The following ATXN7L1 variants were observed in gnomAD, a reference collection of about 807,000 sequenced individuals.
ATXN7L1 encodes ataxin 7 like 1.
In ATXN7L1, 15 loss-of-function variants were observed where a neutral mutation model predicts 70.8. The ratio of observed to expected loss-of-function variants is 0.21; its 90% CI spans 0.14 to 0.33. ATXN7L1 has a LOEUF of 0.33. ATXN7L1 is among the 10% of genes least tolerant of loss of function. The probability of loss-of-function intolerance (pLI) is 1.00; values close to 1 mark genes in which losing one functional copy is unlikely to be tolerated. For missense variants in ATXN7L1, 975 were observed against 1,097.1 expected, an observed-to-expected ratio of 0.89 and a Z score of 1.57; for synonymous variants, 440 against 445.1, an observed-to-expected ratio of 0.99 and a Z score of 0.14.
At chr7:105,809,347 G>T (rs1808080069) in intron 2 of ATXN7L1, among the ~76,000 whole-genome samples, 1 of 152,182 alleles carries the variant, frequency 6.6e-6, no homozygotes, top group South Asian at 2.1e-4. Flanking sequence ...TAAGCACACT[G>T]TTGTAAAGCA....
chr7:105,865,692 C>T (rs1027886593), intron 2 of ATXN7L1, among the ~76,000 whole-genome samples: 5 of 152,252 alleles, frequency 3.3e-5, no homozygotes, highest in Middle Eastern at 3.4e-3. Flanking sequence ...TGAGCCACTG[C>T]ACCCGGGCCA....
intron 3 of ATXN7L1, among the ~76,000 whole-genome samples, chr7:105,672,492 C>T (rs183227143): frequency 6.6e-6 from 1 of 152,326 alleles, no homozygotes; most frequent in Admixed American, 6.5e-5. Context: ...TTTAGCTATT[C>T]TCGTACTGTC....
At chr7:105,805,073 C>A (rs1307238920) in intron 2 of ATXN7L1, among the ~76,000 whole-genome samples, 4 of 152,164 alleles carry the variant, frequency 2.6e-5, no homozygotes, top group African/African-American at 9.7e-5. Flanking sequence ...AGGATGACAA[C>A]ATACACACTT....
chr7:105,725,895 CT>C (rs1303293222), intron 3 of ATXN7L1, among the ~76,000 whole-genome samples: 53 of 141,756 alleles, frequency 3.7e-4, no homozygotes, highest in African/African-American at 1.4e-3. Context: ...TTTCTTTTTT[CT>C]TTCTTTCTTT....
chr7:105,865,148 G>T (rs566670152), intron 2 of ATXN7L1, among the ~76,000 whole-genome samples: 2 of 152,114 alleles, frequency 1.3e-5, no homozygotes, highest in African/African-American at 4.8e-5. Context: ...TAAAAACAAC[G>T]ATCATCACAA....
intron 3 of ATXN7L1, among the ~76,000 whole-genome samples, chr7:105,689,609 G>A (rs10953480): frequency 0.69 from 105,480 of 152,028 alleles, 37,166 homozygotes; most frequent in Admixed American, 0.76. Flanking sequence ...GACACCTTAC[G>A]AAGGTGGGCC....
At chr7:105,872,921 G>A (rs945861099) in intron 2 of ATXN7L1, among the ~76,000 whole-genome samples, 7 of 151,662 alleles carry the variant, frequency 4.6e-5, no homozygotes, top group African/African-American at 1.5e-4. Context: ...TTGGGAGGCC[G>A]AGGCGGGTGG....
intron 2 of ATXN7L1, among the ~76,000 whole-genome samples, chr7:105,802,073 G>A (rs1806899714): frequency 6.6e-6 from 1 of 152,072 alleles, no homozygotes. Context: ...GCATAGCTTG[G>A]CTCAAGAGAA....
intron 3 of ATXN7L1, among the ~76,000 whole-genome samples, chr7:105,686,554 A>C (rs1806207712): frequency 6.6e-6 from 1 of 152,152 alleles, no homozygotes; most frequent in Non-Finnish European, 1.5e-5. Flanking sequence ...CACCCATTTA[A>C]TATAATAACC....
intron 3 of ATXN7L1, among the ~76,000 whole-genome samples, chr7:105,712,730 C>T (rs1385871360): frequency 6.6e-6 from 1 of 152,192 alleles, no homozygotes; most frequent in African/African-American, 2.4e-5. Context: ...ACATCACTAT[C>T]AGCATTTTGG....
intron 3 of ATXN7L1, among the ~76,000 whole-genome samples, chr7:105,727,775 T>TACACAC (rs1231586764): frequency 1.7e-5 from 2 of 115,460 alleles, no homozygotes; most frequent in African/African-American, 7.2e-5. Context: ...TATATATATA[T>TACACAC]ATACACACAC....
At chr7:105,742,117 C>T (rs973390720) in intron 3 of ATXN7L1, among the ~76,000 whole-genome samples, 4 of 152,300 alleles carry the variant, frequency 2.6e-5, no homozygotes, top group South Asian at 2.1e-4. Context: ...CACATTGTCA[C>T]GAACAGAGGC....
intron 3 of ATXN7L1, among the ~76,000 whole-genome samples, chr7:105,694,736 TGCAAACCACAAACA>T (rs1374676835): frequency 2.0e-5 from 3 of 152,234 alleles, no homozygotes; most frequent in African/African-American, 7.2e-5. Flanking sequence ...AGGGCCACAC[TGCAAACCACAAACA>T]GCCCTAGGTC....
intron 7 of ATXN7L1, among the ~76,000 whole-genome samples, chr7:105,627,346 C>T (rs1023475188): frequency 7.3e-5 from 11 of 150,572 alleles, no homozygotes; most frequent in African/African-American, 2.5e-5. Context: ...GGGATCCACC[C>T]ACCTCAACCT....
Position 105,607,620 on chromosome 7 carries a change from C to A in ATXN7L1, c.*232G>T. 2 of 549,542 alleles carry A rather than the reference C, an allele frequency of 3.6e-6. No individual in the cohort carries two copies. The highest frequency in any genetic ancestry group is 5.3e-5 in the South Asian group (2 of 37,452). 34.0% of individuals were successfully genotyped at this position (549,542 alleles called of 1,614,324 possible). Reference sequence around the variant, plus strand: ...AAAACATGGCAAATGAAAGGAAAGACAGCGGAAACCAAACACTGGAACTGT... The same window carrying A: ...AAAACATGGCAAATGAAAGGAAAGAAAGCGGAAACCAAACACTGGAACTGT... On this transcript the variant is annotated 3_prime_UTR_variant, in exon 12 of 12. Transcript: ENST00000419735.
chr7:105,653,360 A>G (rs1326824973), intron 4 of ATXN7L1, among the ~76,000 whole-genome samples: 1 of 152,092 alleles, frequency 6.6e-6, no homozygotes, highest in Non-Finnish European at 1.5e-5. Context: ...AGGCAGGAGA[A>G]TTGCTTGAAC....
chr7:105,622,775 C>T (rs1795121949), intron 8 of ATXN7L1, among the ~76,000 whole-genome samples: 1 of 152,128 alleles, frequency 6.6e-6, no homozygotes, highest in Admixed American at 6.5e-5. Context: ...ATTTTCTTTC[C>T]TAACATAAGG....
At chr7:105,700,796 C>T (rs1792354052) in intron 3 of ATXN7L1, among the ~76,000 whole-genome samples, 1 of 152,054 alleles carries the variant, frequency 6.6e-6, no homozygotes, top group South Asian at 2.1e-4. Context: ...ATCCTCCCAC[C>T]CCAGCCTCCC....
At chr7:105,719,140 T>G (rs1794904093) in intron 3 of ATXN7L1, among the ~76,000 whole-genome samples, 1 of 151,982 alleles carries the variant, frequency 6.6e-6, no homozygotes, top group African/African-American at 2.4e-5. Flanking sequence ...AACAGGTAAA[T>G]GAAGGGAAGC....
Sources: allele counts gnomAD v4.1 joint callset (sites outside exome capture counted in the v4.1 genomes callset), GRCh38; gene constraint gnomAD v4.1.1; transcripts MANE v1.5; gene names NCBI Gene and HGNC (gene_info 2026-07-23, HGNC 2026-07-21).